The following ARHGAP28 variants were observed in gnomAD, a reference collection of about 807,000 sequenced individuals.
The protein encoded by ARHGAP28 is rho GTPase-activating protein 28.
ARHGAP28 carries 56 observed loss-of-function variants against 90.7 expected under a neutral mutation model. The ratio of observed to expected loss-of-function variants is 0.62; its 90% CI spans 0.50 to 0.77. The LOEUF (loss-of-function observed/expected upper bound fraction) is 0.77. Ranked by LOEUF, ARHGAP28 falls within the 30% of genes least tolerant of loss-of-function variation. ARHGAP28 has a pLI of 0.00. For missense variants in ARHGAP28, 869 were observed against 900.9 expected, an observed-to-expected ratio of 0.96 and a Z score of 0.45; for synonymous variants, 308 against 323.3, an observed-to-expected ratio of 0.95 and a Z score of 0.51.
At chr18:6,767,057 C>T (rs80140413) in intron 1 of ARHGAP28, among the ~76,000 whole-genome samples, 9,062 of 152,212 alleles carry the variant, frequency 0.06, 596 homozygotes, top group East Asian at 0.35. Flanking sequence ...TTCCGGCCCT[C>T]GTTTATATTA....
intron 10 of ARHGAP28, among the ~76,000 whole-genome samples, chr18:6,878,876 A>G (rs1238576749): frequency 6.6e-6 from 1 of 152,252 alleles, no homozygotes; most frequent in Non-Finnish European, 1.5e-5. Flanking sequence ...TCCTTTATTC[A>G]AACTTTTTAT....
chr18:6,788,888 T>C (rs1036231032), intron 1 of ARHGAP28: 8 of 152,216 alleles, frequency 5.3e-5, no homozygotes, highest in African/African-American at 1.9e-4. Flanking sequence ...CTCTGTCTTA[T>C]ATCAAGAGAT....
At chr18:6,739,929 A>G (rs1262343351) in intron 1 of ARHGAP28, among the ~76,000 whole-genome samples, 2 of 148,544 alleles carry the variant, frequency 1.3e-5, no homozygotes, top group Admixed American at 6.8e-5. Flanking sequence ...ATGTTGGCTC[A>G]CCGCAACTTC....
intron 1 of ARHGAP28, among the ~76,000 whole-genome samples, chr18:6,762,476 G>A (rs1375617442): frequency 1.3e-5 from 2 of 152,072 alleles, no homozygotes; most frequent in African/African-American, 2.4e-5. Flanking sequence ...AACATGCTAC[G>A]CATCCTCTTT....
chr18:6,840,521 A>G (rs76690327), intron 3 of ARHGAP28, among the ~76,000 whole-genome samples: 3,282 of 152,300 alleles, frequency 0.022, 110 homozygotes, highest in African/African-American at 0.075. Flanking sequence ...CAGTTCCTCA[A>G]AATGAAATTT....
At chr18:6,909,300 C>CTTTT (rs11285854) in intron 17 of ARHGAP28, among the ~76,000 whole-genome samples, 13 of 122,012 alleles carry the variant, frequency 1.1e-4, no homozygotes, top group East Asian at 4.7e-4. Flanking sequence ...CTTTTCTTTT[C>CTTTT]TTTTTTTTTT....
At chr18:6,861,123 G>A (rs2056994767) in intron 5 of ARHGAP28, among the ~76,000 whole-genome samples, 2 of 152,194 alleles carry the variant, frequency 1.3e-5, no homozygotes, top group Admixed American at 1.3e-4. Flanking sequence ...ATTCCCTTGT[G>A]ACTGGGGACT....
intron 1 of ARHGAP28, among the ~76,000 whole-genome samples, chr18:6,756,949 C>T (rs72884511): frequency 0.033 from 4,955 of 152,226 alleles, 93 homozygotes; most frequent in Middle Eastern, 0.037. Context: ...TGCCCACCCA[C>T]GTTGAGGGTG....
chr18:6,729,724 G>A lies in ARHGAP28; in HGVS notation c.-98G>A. On this transcript the variant is annotated 5_prime_UTR_variant, in exon 1 of 18. Coordinates refer to ENST00000383472, the MANE Select transcript of ARHGAP28 (RefSeq NM_001366230.1). ...GGAGAGAGCGGCTGGTCGCACCTCGGGCCGCGCCGCCCAGCTGCTGACAGC... is the reference window on the plus strand; with the variant it reads ...GGAGAGAGCGGCTGGTCGCACCTCGAGCCGCGCCGCCCAGCTGCTGACAGC... The A allele has an allele frequency of 7.8e-7, 1 of 1,281,578 alleles. No homozygotes were observed. The highest frequency in any genetic ancestry group is 9.9e-7 in the Non-Finnish European group (1 of 1,014,884). The allele number at this position is 1,281,578 out of a possible 1,614,324, so 79.4% of individuals were successfully genotyped here.
intron 2 of ARHGAP28, among the ~76,000 whole-genome samples, chr18:6,831,773 G>T (rs914339715): frequency 2.0e-5 from 3 of 152,050 alleles, no homozygotes; most frequent in Admixed American, 6.5e-5. Flanking sequence ...TTAAATAGAA[G>T]TGGTGACAGC....
intron 1 of ARHGAP28, among the ~76,000 whole-genome samples, chr18:6,758,329 G>A (rs1478776882): frequency 6.6e-6 from 1 of 152,070 alleles, no homozygotes; most frequent in Non-Finnish European, 1.5e-5. Flanking sequence ...CTGGAGTCTG[G>A]TGCTTGCTTG....
chr18:6,805,269 A>G lies in ARHGAP28; in HGVS notation c.123-19493A>G, dbSNP rs557984155. ...GTTTGAAGATTGTTATTTCGTCTTC[A>G]TTGATCTTACTGATTATTATAAAAT... On this transcript the variant is annotated intron_variant, in intron 1 of 17. Transcript: ENST00000383472. 2.0e-5 allele frequency among the ~76,000 whole-genome samples: 3 copies of G among 152,270 alleles called. No individual in the cohort carries two copies. In the East Asian group the frequency reaches 5.8e-4, roughly 29 times the overall value.
chr18:6,767,623 T>C (rs1376215811), intron 1 of ARHGAP28, among the ~76,000 whole-genome samples: 1 of 152,228 alleles, frequency 6.6e-6, no homozygotes, highest in Non-Finnish European at 1.5e-5. Flanking sequence ...TTTAACACTT[T>C]AAAGATGTTG....
Position 6,882,346 on chromosome 18 carries a change from T to C in ARHGAP28, c.1453+47T>C, listed in dbSNP as rs767754642. The C allele has an allele frequency of 7.1e-6, 11 of 1,550,286 alleles. No homozygotes were observed. The Admixed American group carries it at 2.0e-4, about 29-fold the overall frequency. On this transcript the variant is annotated intron_variant, in intron 11 of 17. Transcript: ENST00000383472. ...TGAATACGCTAAGATATAAGGTCAA[T>C]AAAGTGAGAGCAGAAGAGAGATGCT...
chr18:6,778,283 T>G (rs1377001035), intron 1 of ARHGAP28, among the ~76,000 whole-genome samples: 2 of 152,228 alleles, frequency 1.3e-5, no homozygotes, highest in Admixed American at 1.3e-4. Context: ...AACTTCTTAA[T>G]GAGCTGCAAG....
chr18:6,891,621 T>C (rs990661286), intron 14 of ARHGAP28, among the ~76,000 whole-genome samples: 3 of 151,938 alleles, frequency 2.0e-5, no homozygotes, highest in Non-Finnish European at 4.4e-5. Context: ...GGAGTCTTGC[T>C]CTGTCACCCA....
At chr18:6,884,855 T>C (rs1247109907) in intron 11 of ARHGAP28, among the ~76,000 whole-genome samples, 1 of 152,218 alleles carries the variant, frequency 6.6e-6, no homozygotes, top group East Asian at 1.9e-4. Flanking sequence ...CAGAGAATCA[T>C]ATTTAAGAAG....
At chr18:6,908,624 A>T (rs956138938) in intron 16 of ARHGAP28, among the ~76,000 whole-genome samples, 93 of 152,340 alleles carry the variant, frequency 6.1e-4, no homozygotes, top group African/African-American at 2.2e-3. Context: ...AGGCAGTACT[A>T]AACACGCAGC....
chr18:6,873,813 C>T, intron 9 of ARHGAP28, 38 bp downstream of exon 9: 1 of 1,543,874 alleles, frequency 6.5e-7, no homozygotes, highest in Non-Finnish European at 8.9e-7. Flanking sequence ...TTCACAGAGC[C>T]TCATGCTTAT....
Sources: allele counts gnomAD v4.1 joint callset (sites outside exome capture counted in the v4.1 genomes callset), GRCh38; gene constraint gnomAD v4.1.1; transcripts MANE v1.5; gene names NCBI Gene and HGNC (gene_info 2026-07-23, HGNC 2026-07-21).